The following GIMAP8 variants were observed in gnomAD, a reference collection of about 807,000 sequenced individuals.
GIMAP8 encodes GTPase IMAP family member 8.
GIMAP8 carries 29 observed loss-of-function variants against 35.6 expected under a neutral mutation model. That is an observed-to-expected ratio of 0.81 (90% CI 0.61 to 1.11). The LOEUF is 1.11. Among genes scored for constraint, GIMAP8 ranks in the 50% most tolerant of loss-of-function variants. The probability of loss-of-function intolerance (pLI) is 0.00; values close to 1 mark genes in which losing one functional copy is unlikely to be tolerated. For missense variants in GIMAP8, 811 were observed against 805.0 expected (o/e 1.01, Z -0.09); for synonymous variants, 335 against 308.7 (o/e 1.09, Z -0.89).
chr7:150,474,297 GC>G lies in GIMAP8; in HGVS notation c.973del (p.His325MetfsTer6), dbSNP rs1563287389. On this transcript the variant is annotated frameshift_variant, in exon 4 of 5. Transcript: ENST00000307271. LOFTEE classifies it high-confidence loss of function. The part of the protein sequence containing the change: ...DSEVRKHICT[G>X]PHAFLLVTPL... ...GAAGTTAGAAAACACATCTGTACAG[GC>G]CCCCATGCCTTCCTGCTGGTGACAC... 5 of 1,613,938 alleles carry G rather than the reference GC, an allele frequency of 3.1e-6. No homozygotes were observed. The South Asian group carries it at 3.3e-5, about 11-fold the overall frequency.
intron 1 of GIMAP8, among the ~76,000 whole-genome samples, chr7:150,456,629 C>A (rs1284163411): frequency 6.6e-6 from 1 of 152,174 alleles, no homozygotes; most frequent in Non-Finnish European, 1.5e-5. Flanking sequence ...GTAACACAGC[C>A]ACAGATTCTA....
chr7:150,461,455 A>G (rs967547984), intron 1 of GIMAP8, among the ~76,000 whole-genome samples: 3 of 152,202 alleles, frequency 2.0e-5, no homozygotes, highest in Non-Finnish European at 4.4e-5. Context: ...CAGTTGATCT[A>G]TCATTATATA....
rs1160792906 is a variant in GIMAP8, at chr7:150,477,531, T to C, written c.1749T>C (p.Asp583=). 2 of 1,614,110 alleles carry C rather than the reference T, an allele frequency of 1.2e-6. No homozygotes were observed. The highest frequency in any genetic ancestry group is 1.7e-6 in the Non-Finnish European group (2 of 1,180,012). The change falls in exon 5 of 5, where the codon GAT becomes GAC. Residue 583 remains aspartate, a synonymous_variant. Transcript: ENST00000307271. The part of the protein sequence containing the change: ...GNLEDFMKNS[D]NKALRRIFKK... Reference sequence around the variant, plus strand: ...TGGAAGACTTCATGAAGAACTCAGATAACAAAGCCCTTCGGCGCATTTTTA... The same window carrying C: ...TGGAAGACTTCATGAAGAACTCAGACAACAAAGCCCTTCGGCGCATTTTTA...
intron 1 of GIMAP8, among the ~76,000 whole-genome samples, chr7:150,458,005 C>A (rs1460228175): frequency 1.3e-5 from 2 of 152,238 alleles, no homozygotes; most frequent in Admixed American, 6.5e-5. Flanking sequence ...ACTCTTTCCT[C>A]AGAGAGCCAT....
chr7:150,451,599 G>C lies in GIMAP8; in HGVS notation c.-29+424G>C, dbSNP rs1425738680. ...GAGGAGGGCTGAGACTGGCAGAAGGGAGGAAGAAGCAGGCGGAAGCAGCCG... is the reference window on the plus strand; with the variant it reads ...GAGGAGGGCTGAGACTGGCAGAAGGCAGGAAGAAGCAGGCGGAAGCAGCCG... On this transcript the variant is annotated intron_variant, in intron 1 of 4. Coordinates refer to ENST00000307271, the MANE Select transcript of GIMAP8 (RefSeq NM_175571.4). The surrounding 1 kb of genome is among the most constrained non-coding windows in gnomAD (Gnocchi z 4.1). Among the ~76,000 whole-genome samples the C allele has an allele frequency of 1.3e-5, 2 of 152,176 alleles. No individual in the cohort carries two copies. Among genetic ancestry groups the C allele is most frequent in the African/African-American group, 4.8e-5 (2 of 41,436 alleles).
intron 1 of GIMAP8, among the ~76,000 whole-genome samples, chr7:150,460,912 G>A (rs2116594431): frequency 1.3e-5 from 2 of 152,332 alleles, no homozygotes; most frequent in Middle Eastern, 3.4e-3. Context: ...ATGGCTAAGT[G>A]TTCAGTGTCT....
At chr7:150,453,377 T>A (rs1039522582) in intron 1 of GIMAP8, among the ~76,000 whole-genome samples, 1 of 152,226 alleles carries the variant, frequency 6.6e-6, no homozygotes. Context: ...GCCATCCAGA[T>A]GATTCCAGAG....
chr7:150,459,157 C>T (rs1211536909), intron 1 of GIMAP8, among the ~76,000 whole-genome samples: 3 of 152,184 alleles, frequency 2.0e-5, no homozygotes, highest in East Asian at 1.9e-4. Context: ...AATCACAGGA[C>T]GTGGCTACAC....
At chr7:150,464,606 C>A (rs1178261225) in intron 1 of GIMAP8, among the ~76,000 whole-genome samples, 1 of 151,844 alleles carries the variant, frequency 6.6e-6, no homozygotes, top group East Asian at 1.9e-4. Flanking sequence ...TGACTTGAGC[C>A]CAGAAGGTTG....
chr7:150,466,686 G>C lies in GIMAP8; in HGVS notation c.-13G>C. On this transcript the variant is annotated 5_prime_UTR_variant, in exon 2 of 5. Transcript: ENST00000307271. ...GTCCCAACAGAACAAGCGGGAGCCT[G>C]TGTCAGGAAAGCATGTCAGAGCAGA... 1 of 1,612,218 alleles carries C rather than the reference G, an allele frequency of 6.2e-7. No homozygotes were observed. Among genetic ancestry groups the C allele is most frequent in the Non-Finnish European group, 8.5e-7 (1 of 1,179,052 alleles).
At position 150,477,540 on chromosome 7, in the gene GIMAP8, C is replaced by T. The variant is rs73726142; in HGVS notation, c.1758C>T (p.Ala586=). The change falls in exon 5 of 5, where the codon GCC becomes GCT. Residue 586 remains alanine, a synonymous_variant. Transcript: ENST00000307271. The part of the protein sequence containing the change: ...EDFMKNSDNK[A]LRRIFKKCGR... ...TCATGAAGAACTCAGATAACAAAGC[C>T]CTTCGGCGCATTTTTAAAAAGTGTG... 4.4e-3 allele frequency: 7,076 copies of T among 1,614,052 alleles called. 276 individuals carry two copies. The African/African-American group carries it at 0.084, about 19-fold the overall frequency.
chr7:150,476,216 T>TA (rs1311779533), intron 4 of GIMAP8, among the ~76,000 whole-genome samples: 1 of 152,266 alleles, frequency 6.6e-6, no homozygotes, highest in Non-Finnish European at 1.5e-5. Flanking sequence ...ATGTGCTTTC[T>TA]TCCTCCTTTG....
In GIMAP8 at chr7:150,471,005, T is replaced by G. The variant is rs1802079432; in HGVS notation, c.682+131T>G. On this transcript the variant is annotated intron_variant, in intron 3 of 4. Transcript: ENST00000307271. The stretch of plus-strand genomic sequence containing the variant: ...CCCTGGGGACCTAGCTGAGGTTGGT[T>G]CCCACAAGCTATCCCCTAGGAAACT... 1.3e-5 allele frequency: 9 copies of G among 700,124 alleles called. No homozygotes were observed. The Admixed American group carries it at 2.0e-4, about 16-fold the overall frequency. The allele number at this position is 700,124 out of a possible 1,614,324, so 43.4% of individuals were successfully genotyped here.
Position 150,466,948 on chromosome 7 carries a change from C to T in GIMAP8, c.250C>T (p.Gln84Ter), listed in dbSNP as rs1801975729. ...ACAEDKQRNIQHCLELSAPSL... is the reference protein window; with the variant it reads ...ACAEDKQRNI ...TGCTGAAGACAAGCAACGCAACATC[C>T]AACACTGCTTGGAGCTCTCTGCTCC... The change falls in exon 2 of 5, where the codon CAA (glutamine) becomes TAA (stop). Residue 84 changes from glutamine to a stop codon, truncating the protein, a stop_gained. Coordinates refer to ENST00000307271, the MANE Select transcript of GIMAP8 (RefSeq NM_175571.4). LOFTEE classifies it high-confidence loss of function. 1 of 1,614,090 alleles carries T rather than the reference C, an allele frequency of 6.2e-7. No homozygotes were observed. Among genetic ancestry groups the T allele is most frequent in the Admixed American group, 1.7e-5 (1 of 60,000 alleles).
At position 150,466,961 on chromosome 7, in the gene GIMAP8, A is replaced by C; in HGVS notation, c.263A>C (p.Glu88Ala). 4 of 1,614,198 alleles carry C rather than the reference A, an allele frequency of 2.5e-6. No individual in the cohort carries two copies. Among genetic ancestry groups the C allele is most frequent in the Non-Finnish European group, 3.4e-6 (4 of 1,180,036 alleles). ...CAACGCAACATCCAACACTGCTTGG[A>C]GCTCTCTGCTCCCAGCCTCCATGCT... is the stretch of plus-strand genomic sequence containing the variant. ...DKQRNIQHCL[E>A]LSAPSLHALL... The change falls in exon 2 of 5, where the codon GAG becomes GCG. Residue 88 changes from glutamate to alanine, a missense_variant. Physicochemically the swap from Glu to Ala is moderately radical, Grantham distance 107 (BLOSUM62 -1). Coordinates refer to ENST00000307271, the MANE Select transcript of GIMAP8 (RefSeq NM_175571.4).
At chr7:150,464,777 G>GA (rs1445630179) in intron 1 of GIMAP8, among the ~76,000 whole-genome samples, 5 of 152,240 alleles carry the variant, frequency 3.3e-5, no homozygotes, top group African/African-American at 1.2e-4. Flanking sequence ...GATGGAGCCA[G>GA]ATTGTTTTCT....
chr7:150,466,647 ATGTGTTGTT>A lies in GIMAP8; in HGVS notation c.-28-22_-28-14del. 6.3e-7 allele frequency: 1 copy of A among 1,579,862 alleles called. No homozygotes were observed. On this transcript the variant is annotated splice_polypyrimidine_tract_variant and intron_variant, in intron 1 of 4. Transcript: ENST00000307271. ...CACTCTGTGTGGGAGTTGAACATTA[ATGTGTTGTT>A]TTCTGTCCCAACAGAACAAGCGGGA...
chr7:150,452,008 A>G (rs952155528), intron 1 of GIMAP8, among the ~76,000 whole-genome samples: 1 of 152,176 alleles, frequency 6.6e-6, no homozygotes, highest in African/African-American at 2.4e-5. Context: ...GAATCCCCGC[A>G]TGGCTGGATG....
chr7:150,459,601 G>T (rs2116592451), intron 1 of GIMAP8, among the ~76,000 whole-genome samples: 1 of 152,270 alleles, frequency 6.6e-6, no homozygotes, highest in Admixed American at 6.5e-5. Flanking sequence ...AGAGAACCTT[G>T]CCCCAGTCCT....
Sources: allele counts gnomAD v4.1 joint callset (sites outside exome capture counted in the v4.1 genomes callset), GRCh38; gene constraint gnomAD v4.1.1; non-coding constraint Gnocchi (gnomAD v3.1); transcripts MANE v1.5; gene names NCBI Gene and HGNC (gene_info 2026-07-23, HGNC 2026-07-21).